The following DSCAM variants were observed in gnomAD, a reference collection of about 807,000 sequenced individuals.
DSCAM encodes the protein cell adhesion molecule DSCAM.
Under a neutral mutation model 217.7 loss-of-function variants are expected in DSCAM, and 47 were observed. The observed-to-expected ratio is 0.22, with a 90% CI of 0.17 to 0.28. DSCAM has a LOEUF of 0.28. DSCAM is among the 10% of genes least tolerant of loss of function. The pLI is 1.00. For missense variants in DSCAM, 2,080 were observed against 2,618.3 expected, an observed-to-expected ratio of 0.79 and a Z score of 4.49; for synonymous variants, 1,056 against 1,015.3, an observed-to-expected ratio of 1.04 and a Z score of -0.76.
chr21:40,790,179 T>TC (rs1491125458), intron 1 of DSCAM, among the ~76,000 whole-genome samples: 3 of 141,240 alleles, frequency 2.1e-5, no homozygotes, highest in Non-Finnish European at 4.6e-5. Context: ...TTTCTTTCTT[T>TC]CTTTTTTTTT....
chr21:40,736,689 G>A (rs940079710), intron 1 of DSCAM, among the ~76,000 whole-genome samples: 3 of 152,112 alleles, frequency 2.0e-5, no homozygotes, highest in African/African-American at 4.8e-5. Context: ...AGGGTTTTAG[G>A]AGCTCCTGTG....
intron 6 of DSCAM, among the ~76,000 whole-genome samples, chr21:40,346,359 C>T (rs534916438): frequency 1.3e-5 from 2 of 152,170 alleles, no homozygotes; most frequent in African/African-American, 4.8e-5. Context: ...AAACCTGCTA[C>T]TTCTTAAAAA....
chr21:40,376,340 A>G (rs2074950159), intron 3 of DSCAM, among the ~76,000 whole-genome samples: 1 of 151,482 alleles, frequency 6.6e-6, no homozygotes, highest in African/African-American at 2.4e-5. Context: ...ATATAGCATT[A>G]GAAACCACAT....
intron 1 of DSCAM, among the ~76,000 whole-genome samples, chr21:40,840,739 CAA>C (rs760738704): frequency 2.0e-4 from 30 of 152,010 alleles, no homozygotes; most frequent in Admixed American, 1.4e-3. Context: ...GTGGGTAGAG[CAA>C]AAGAGTCCAG....
intron 28 of DSCAM, 114 bp from the exon 29 acceptor site, chr21:40,055,954 G>T: frequency 1.4e-6 from 1 of 696,280 alleles, no homozygotes; most frequent in East Asian, 2.5e-5. Context: ...TACCTTGTGA[G>T]GAGGGGAACA....
chr21:40,503,431 G>A (rs1289917774), intron 3 of DSCAM, among the ~76,000 whole-genome samples: 1 of 152,190 alleles, frequency 6.6e-6, no homozygotes, highest in East Asian at 1.9e-4. Context: ...AGCTACCTCT[G>A]TCCCCAGCTT....
intron 11 of DSCAM, among the ~76,000 whole-genome samples, chr21:40,253,360 A>G (rs907965379): frequency 2.6e-5 from 4 of 152,228 alleles, no homozygotes; most frequent in Non-Finnish European, 4.4e-5. Context: ...TGCAGAATAT[A>G]TCTGGTCTTT....
chr21:40,622,103 A>T (rs1049915761), intron 3 of DSCAM, among the ~76,000 whole-genome samples: 14 of 152,106 alleles, frequency 9.2e-5, no homozygotes, highest in Admixed American at 8.5e-4. Context: ...CAGTTGATGC[A>T]TTGCTATTTT....
At chr21:40,837,753 G>T (rs543000569) in intron 1 of DSCAM, among the ~76,000 whole-genome samples, 2 of 152,160 alleles carry the variant, frequency 1.3e-5, no homozygotes, top group Admixed American at 6.5e-5. Flanking sequence ...AACTAGATCC[G>T]GCAGGAGTGA....
chr21:40,556,773 C>T (rs571045474), intron 3 of DSCAM, among the ~76,000 whole-genome samples: 1 of 152,260 alleles, frequency 6.6e-6, no homozygotes, highest in South Asian at 2.1e-4. Flanking sequence ...GGATCCACCC[C>T]CATGACGCAA....
intron 3 of DSCAM, among the ~76,000 whole-genome samples, chr21:40,458,304 C>T (rs1246545852): frequency 6.6e-6 from 1 of 151,930 alleles, no homozygotes; most frequent in Non-Finnish European, 1.5e-5. Flanking sequence ...AAAGTTATAA[C>T]TTATCAGGAT....
At chr21:40,222,574 T>A (rs1372749016) in intron 11 of DSCAM, among the ~76,000 whole-genome samples, 2 of 152,340 alleles carry the variant, frequency 1.3e-5, no homozygotes, top group Non-Finnish European at 2.9e-5. Context: ...TCAACGAACA[T>A]AACACATCAC....
At chr21:40,799,916 T>G (rs1284125544) in intron 1 of DSCAM, among the ~76,000 whole-genome samples, 1 of 152,228 alleles carries the variant, frequency 6.6e-6, no homozygotes, top group East Asian at 1.9e-4. Flanking sequence ...TTTGAATGTT[T>G]GTCCCCTCTG....
At chr21:40,533,603 G>A (rs879781522) in intron 3 of DSCAM, among the ~76,000 whole-genome samples, 12,066 of 99,836 alleles carry the variant, frequency 0.12, 819 homozygotes, top group African/African-American at 0.33. Flanking sequence ...CCACCTGTCT[G>A]TCCATCCATC....
chr21:40,498,657 A>G (rs1186133208), intron 3 of DSCAM, among the ~76,000 whole-genome samples: 9 of 118,094 alleles, frequency 7.6e-5, no homozygotes, highest in African/African-American at 2.7e-4. Flanking sequence ...GTGTGTGTGT[A>G]TATATATACC....
chr21:40,409,070 C>T (rs1187656630), intron 3 of DSCAM, among the ~76,000 whole-genome samples: 3 of 151,932 alleles, frequency 2.0e-5, no homozygotes, highest in Non-Finnish European at 4.4e-5. Flanking sequence ...AACCATTAAG[C>T]CTAAAGAATA....
chr21:40,736,739 G>A (rs1045352471), intron 1 of DSCAM, among the ~76,000 whole-genome samples: 25 of 152,210 alleles, frequency 1.6e-4, no homozygotes, highest in Admixed American at 1.6e-3. Context: ...TTTCTATGAT[G>A]TCACAGATTG....
intron 6 of DSCAM, among the ~76,000 whole-genome samples, chr21:40,341,478 A>G (rs985979342): frequency 6.6e-6 from 1 of 152,212 alleles, no homozygotes; most frequent in Non-Finnish European, 1.5e-5. Flanking sequence ...AGTGAAATAT[A>G]CAGATCTTAA....
At chr21:40,622,187 C>T (rs185054122) in intron 3 of DSCAM, among the ~76,000 whole-genome samples, 1 of 152,070 alleles carries the variant, frequency 6.6e-6, no homozygotes, top group African/African-American at 2.4e-5. Flanking sequence ...TATTTTCTTA[C>T]CCCTTGACCT....
Sources: gnomAD v4.1 joint callset for allele counts (sites outside exome capture counted in the v4.1 genomes callset) on GRCh38, gnomAD v4.1.1 for gene constraint, MANE v1.5 for transcripts, NCBI Gene and HGNC (gene_info 2026-07-23, HGNC 2026-07-21) for gene names.